The following NXN variants were observed in gnomAD, a reference collection of about 807,000 sequenced individuals.
NXN encodes the protein nucleoredoxin 1.
Under a neutral mutation model 48.6 loss-of-function variants are expected in NXN, and 16 were observed. The ratio of observed to expected loss-of-function variants is 0.33; its 90% CI spans 0.22 to 0.50. NXN has a LOEUF of 0.50. Ranked by LOEUF, NXN falls within the 20% of genes least tolerant of loss-of-function variation. NXN has a pLI of 0.98. For missense variants in NXN, 492 were observed against 605.5 expected, an observed-to-expected ratio of 0.81 and a Z score of 1.97; for synonymous variants, 281 against 269.6, an observed-to-expected ratio of 1.04 and a Z score of -0.41.
intron 1 of NXN, among the ~76,000 whole-genome samples, chr17:878,579 G>T: frequency 6.6e-6 from 1 of 151,804 alleles, no homozygotes; most frequent in Non-Finnish European, 1.5e-5. Context: ...GGATCCACCC[G>T]TAATGAGGGC....
chr17:916,442 C>T (rs2068689350), intron 1 of NXN, among the ~76,000 whole-genome samples: 1 of 151,976 alleles, frequency 6.6e-6, no homozygotes, highest in African/African-American at 2.4e-5. Context: ...TTCAAAGTTA[C>T]CAAACTAAAA....
intron 1 of NXN, among the ~76,000 whole-genome samples, chr17:880,946 T>C (rs1382377697): frequency 6.6e-6 from 1 of 152,182 alleles, no homozygotes; most frequent in Non-Finnish European, 1.5e-5. Flanking sequence ...GACTGGTTCC[T>C]GTGGTTCAAA....
chr17:979,719 T>A lies in NXN; in HGVS notation c.-41A>T, dbSNP rs776637990. 8 of 1,303,632 alleles carry A rather than the reference T, an allele frequency of 6.1e-6. No homozygotes were observed. The South Asian group carries it at 1.4e-4, about 23-fold the overall frequency. The allele number at this position is 1,303,632 out of a possible 1,614,324, so 80.8% of individuals were successfully genotyped here. A position where few individuals can be genotyped will look rare whatever the true frequency, so the allele number is the denominator to read the frequency against. The stretch of plus-strand genomic sequence containing the variant: ...GGCGGGCAGGCGGCTGCGACCCCGC[T>A]CCACGGTCCGCGCGGCGGGAGGAGG... On this transcript the variant is annotated 5_prime_UTR_variant, in exon 1 of 8. Coordinates refer to ENST00000336868, the MANE Select transcript of NXN (RefSeq NM_022463.5).
intron 1 of NXN, among the ~76,000 whole-genome samples, chr17:974,849 C>T (rs1415381921): frequency 2.7e-5 from 4 of 150,462 alleles, no homozygotes; most frequent in East Asian, 2.0e-4. Flanking sequence ...TTATTTAATA[C>T]AGGGTCTTGC....
At chr17:964,062 G>A (rs1402616847) in intron 1 of NXN, among the ~76,000 whole-genome samples, 3 of 152,164 alleles carry the variant, frequency 2.0e-5, no homozygotes, top group Non-Finnish European at 4.4e-5. Context: ...GGGCGACAGA[G>A]CAAGACTCCG....
intron 1 of NXN, among the ~76,000 whole-genome samples, chr17:942,078 CCA>C (rs2068981872): frequency 6.9e-5 from 5 of 72,266 alleles, no homozygotes; most frequent in Non-Finnish European, 1.2e-4. Flanking sequence ...CATGAATTCA[CCA>C]AACACCTTCC....
At chr17:817,320 C>G (rs1261377002) in intron 5 of NXN, among the ~76,000 whole-genome samples, 2 of 152,074 alleles carry the variant, frequency 1.3e-5, no homozygotes, top group African/African-American at 4.8e-5. Context: ...TTTTTTAAAA[C>G]TTCTGCTCCA....
chr17:829,040 T>C (rs1749484323), intron 1 of NXN, among the ~76,000 whole-genome samples: 1 of 151,908 alleles, frequency 6.6e-6, no homozygotes, highest in South Asian at 2.1e-4. Flanking sequence ...CAGTGGCAAA[T>C]GAGAGAGCCC....
chr17:831,445 C>CTTTATTTA (rs1260938372), intron 1 of NXN, among the ~76,000 whole-genome samples: 12 of 149,006 alleles, frequency 8.1e-5, no homozygotes, highest in East Asian at 2.0e-4. Context: ...TGAGGGCCGA[C>CTTTATTTA]TTTATTTATT....
At chr17:975,065 T>A (rs554030788) in intron 1 of NXN, among the ~76,000 whole-genome samples, 3 of 151,994 alleles carry the variant, frequency 2.0e-5, no homozygotes, top group Admixed American at 2.0e-4. Context: ...GCTCAAGTGA[T>A]CCCCCCACCT....
intron 6 of NXN, 165 bp from the exon 7 acceptor site, chr17:803,971 G>T: frequency 1.2e-6 from 1 of 818,438 alleles, no homozygotes; most frequent in Non-Finnish European, 1.9e-6. Flanking sequence ...CCGCATGCAT[G>T]GGTGTGTGTG....
At chr17:892,324 T>C (rs551718110) in intron 1 of NXN, among the ~76,000 whole-genome samples, 10 of 152,194 alleles carry the variant, frequency 6.6e-5, no homozygotes, top group African/African-American at 1.7e-4. Flanking sequence ...GGCATTTTAA[T>C]TGGACTCAGA....
chr17:978,134 T>A lies in NXN; in HGVS notation c.360+1185A>T, dbSNP rs141207232. 5.3e-4 allele frequency among the ~76,000 whole-genome samples: 80 copies of A among 152,296 alleles called. 1 individual carries two copies. In the East Asian group the frequency reaches 0.013, roughly 24 times the overall value. On this transcript the variant is annotated intron_variant, in intron 1 of 7. Transcript: ENST00000336868. This position sits in a 1 kb window ranked among gnomAD's most constrained non-coding sequence, Gnocchi z 4.1. ...ATTCTGCACATATAAAAGGAACACGTGGCACGCCTCGCCATGCTCCCCAGA... is the reference window on the plus strand; with the variant it reads ...ATTCTGCACATATAAAAGGAACACGAGGCACGCCTCGCCATGCTCCCCAGA...
In NXN at chr17:853,397, G is replaced by A. The variant is rs916018506; in HGVS notation, c.361-27319C>T. Among the ~76,000 whole-genome samples, 14 of 152,062 alleles carry A rather than the reference G, an allele frequency of 9.2e-5. 1 individual carries two copies. Among genetic ancestry groups the A allele is most frequent in the Admixed American group, 5.9e-4 (9 of 15,288 alleles). On this transcript the variant is annotated intron_variant, in intron 1 of 7. Transcript: ENST00000336868. Reference sequence around the variant, plus strand: ...TGGGAGGCGCATGTTACAGTGAGCCGAGATCACGCCACTGCCTTCTAACCT... The same window carrying A: ...TGGGAGGCGCATGTTACAGTGAGCCAAGATCACGCCACTGCCTTCTAACCT...
Position 920,555 on chromosome 17 carries a change from G to C in NXN, c.360+58764C>G, listed in dbSNP as rs142666196. ...GCGTTCTCCCAGGCTCTCAACCCTC[G>C]ACGCTCATCCAGGTTCATTCGCCAT... On this transcript the variant is annotated intron_variant, in intron 1 of 7. Transcript: ENST00000336868. The surrounding 1 kb of genome is among the most constrained non-coding windows in gnomAD (Gnocchi z 4.6). Among the ~76,000 whole-genome samples, 453 of 152,010 alleles carry C rather than the reference G, an allele frequency of 3.0e-3. 3 individuals are homozygous for C. The highest frequency in any genetic ancestry group is 3.5e-3 in the Non-Finnish European group (238 of 67,970).
rs554235881 is a variant in NXN, at chr17:895,901, A to G, written c.361-69823T>C. 9.9e-5 allele frequency among the ~76,000 whole-genome samples: 15 copies of G among 152,268 alleles called. No homozygotes were observed. The South Asian group carries it at 3.1e-3, about 32-fold the overall frequency. On this transcript the variant is annotated intron_variant, in intron 1 of 7. Transcript: ENST00000336868. ...ATCTTCCAAGGTGAATCTTTTAGTA[A>G]AATGGGCTTTACAAACTGTTGATGG...
intron 1 of NXN, among the ~76,000 whole-genome samples, chr17:835,251 T>C (rs1255993687): frequency 6.8e-6 from 1 of 147,632 alleles, no homozygotes. Context: ...GAGCTTGCAG[T>C]GAGCTGAGAT....
chr17:884,730 A>G (rs1177088152), intron 1 of NXN, among the ~76,000 whole-genome samples: 1 of 152,198 alleles, frequency 6.6e-6, no homozygotes, highest in African/African-American at 2.4e-5. Context: ...AAACGTTCAG[A>G]TACTAGAAAA....
intron 1 of NXN, among the ~76,000 whole-genome samples, chr17:946,762 C>T (rs965369394): frequency 2.0e-5 from 3 of 152,244 alleles, no homozygotes; most frequent in African/African-American, 7.2e-5. Flanking sequence ...ATCTCCGCAT[C>T]GCTGGGCCTC....
Sources: allele counts gnomAD v4.1 joint callset (sites outside exome capture counted in the v4.1 genomes callset), GRCh38; gene constraint gnomAD v4.1.1; non-coding constraint Gnocchi (gnomAD v3.1); transcripts MANE v1.5; gene names NCBI Gene and HGNC (gene_info 2026-07-23, HGNC 2026-07-21).